SLC35F1: variants seen among roughly 807,000 people sequenced by gnomAD.
SLC35F1 encodes the protein chromosome 6 open reading frame 169.
In SLC35F1, 14 loss-of-function variants were observed where a neutral mutation model predicts 48.7. That is an observed-to-expected ratio of 0.29 (90% CI 0.19 to 0.45). The LOEUF is 0.45. Among genes scored for constraint, SLC35F1 ranks in the 20% least tolerant of loss-of-function variants. The pLI, the probability that SLC35F1 is intolerant of heterozygous loss-of-function variation, is 1.00. For synonymous variants in SLC35F1, 190 were observed against 202.2 expected, an observed-to-expected ratio of 0.94 and a Z score of 0.51; for missense variants, 404 against 500.0, an observed-to-expected ratio of 0.81 and a Z score of 1.83.
At position 118,145,055 on chromosome 6, in the gene SLC35F1, C is replaced by G. The variant is rs938883949; in HGVS notation, c.174-9390C>G. Among the ~76,000 whole-genome samples the G allele has an allele frequency of 3.9e-5, 6 of 152,104 alleles. No individual in the cohort carries two copies. In the East Asian group the frequency reaches 1.2e-3, roughly 29 times the overall value. ...GTATTTCGTATACAGATCCATGCAA[C>G]CGATACTACAGTCTATCAATGAACA... is the stretch of plus-strand genomic sequence containing the variant. On this transcript the variant is annotated intron_variant, in intron 1 of 7. Coordinates refer to ENST00000360388, the MANE Select transcript of SLC35F1 (RefSeq NM_001029858.4).
At chr6:118,010,082 T>C (rs1461101466) in intron 1 of SLC35F1, among the ~76,000 whole-genome samples, 1 of 152,202 alleles carries the variant, frequency 6.6e-6, no homozygotes, top group Non-Finnish European at 1.5e-5. Context: ...TACACTTCTA[T>C]AGGTGGGAGT....
At chr6:117,980,985 A>T (rs139500133) in intron 1 of SLC35F1, among the ~76,000 whole-genome samples, 6 of 152,362 alleles carry the variant, frequency 3.9e-5, no homozygotes, top group Non-Finnish European at 8.8e-5. Flanking sequence ...AAAATGTAGG[A>T]ATACCAGTTA....
intron 1 of SLC35F1, among the ~76,000 whole-genome samples, chr6:118,113,379 C>G (rs1205267691): frequency 2.0e-5 from 3 of 152,080 alleles, no homozygotes; most frequent in Non-Finnish European, 4.4e-5. Flanking sequence ...GAGACCTCAC[C>G]TAGCCAACTT....
chr6:118,305,600 C>T (rs1776303109), intron 7 of SLC35F1, among the ~76,000 whole-genome samples: 1 of 152,088 alleles, frequency 6.6e-6, no homozygotes, highest in Non-Finnish European at 1.5e-5. Flanking sequence ...CTAACCCTTG[C>T]CTTACAAGCA....
intron 3 of SLC35F1, among the ~76,000 whole-genome samples, chr6:118,264,731 T>C (rs932059034): frequency 5.9e-5 from 9 of 152,214 alleles, no homozygotes; most frequent in African/African-American, 2.2e-4. Context: ...GCTAAATATT[T>C]CAACTTGATT....
chr6:118,275,447 G>A lies in SLC35F1; in HGVS notation c.638-12G>A. On this transcript the variant is annotated splice_polypyrimidine_tract_variant and intron_variant, in intron 4 of 7. Transcript: ENST00000360388. ...GATGCTCCCTCTGTTTGTTTGTTTG[G>A]TTGGTTCCTAGGGGAAAATAAGCTG... 2 of 1,602,810 alleles carry A rather than the reference G, an allele frequency of 1.2e-6. No homozygotes were observed. The highest frequency in any genetic ancestry group is 1.7e-6 in the Non-Finnish European group (2 of 1,175,392).
chr6:117,995,058 A>G (rs557428712), intron 1 of SLC35F1, among the ~76,000 whole-genome samples: 25 of 152,344 alleles, frequency 1.6e-4, no homozygotes, highest in Admixed American at 1.6e-3. Context: ...GGAATCTCCT[A>G]TGCAGTATTT....
rs533602535 is a variant in SLC35F1 at position 118,194,092 on chromosome 6, C to T, written c.349+39472C>T. ...CACACACACAACATATATATAACTACACAGACAGACAGAAGAAGATCCAAT... is the reference window on the plus strand; with the variant it reads ...CACACACACAACATATATATAACTATACAGACAGACAGAAGAAGATCCAAT... On this transcript the variant is annotated intron_variant, in intron 2 of 7. Transcript: ENST00000360388. Among the ~76,000 whole-genome samples, 6 of 152,248 alleles carry T rather than the reference C, an allele frequency of 3.9e-5. No individual in the cohort carries two copies. In the East Asian group the frequency reaches 9.6e-4, roughly 24 times the overall value.
At chr6:118,260,666 A>T (rs1039435568) in intron 3 of SLC35F1, among the ~76,000 whole-genome samples, 1 of 152,186 alleles carries the variant, frequency 6.6e-6, no homozygotes, top group African/African-American at 2.4e-5. Flanking sequence ...TATCTTGTTC[A>T]TCTATATATG....
chr6:118,071,126 C>T (rs867493534), intron 1 of SLC35F1, among the ~76,000 whole-genome samples: 1 of 77,038 alleles, frequency 1.3e-5, no homozygotes, highest in African/African-American at 4.5e-5. Flanking sequence ...TACATATATA[C>T]ATATATACAT....
At chr6:118,049,233 A>C (rs1011569187) in intron 1 of SLC35F1, among the ~76,000 whole-genome samples, 58 of 152,320 alleles carry the variant, frequency 3.8e-4, no homozygotes, top group African/African-American at 1.4e-3. Context: ...TTAAAGACTT[A>C]AATGTTAGAC....
chr6:118,247,023 C>T (rs888667473), intron 3 of SLC35F1, among the ~76,000 whole-genome samples: 1 of 152,184 alleles, frequency 6.6e-6, no homozygotes, highest in African/African-American at 2.4e-5. Flanking sequence ...ATAGTAGATG[C>T]TCAATAAATG....
chr6:118,126,090 A>C (rs1041190331), intron 1 of SLC35F1, among the ~76,000 whole-genome samples: 1 of 152,156 alleles, frequency 6.6e-6, no homozygotes, highest in African/African-American at 2.4e-5. Flanking sequence ...GAGAAGCAGA[A>C]TAGTCAGTGG....
At chr6:118,245,750 T>C (rs980090435) in intron 3 of SLC35F1, among the ~76,000 whole-genome samples, 1 of 152,160 alleles carries the variant, frequency 6.6e-6, no homozygotes, top group African/African-American at 2.4e-5. Flanking sequence ...TCCAGGACCT[T>C]TAGTGCTCTG....
At chr6:118,046,088 C>A (rs1250119784) in intron 1 of SLC35F1, among the ~76,000 whole-genome samples, 1 of 152,198 alleles carries the variant, frequency 6.6e-6, no homozygotes, top group Admixed American at 6.6e-5. Flanking sequence ...TCTGTGAACA[C>A]TATCCTAAAA....
At chr6:118,223,905 C>G (rs1326536125) in intron 2 of SLC35F1, among the ~76,000 whole-genome samples, 2 of 152,240 alleles carry the variant, frequency 1.3e-5, no homozygotes, top group African/African-American at 4.8e-5. Flanking sequence ...GCCTTGGCCT[C>G]TTCCCCTTAC....
In SLC35F1 at chr6:118,122,464, G is replaced by A. The variant is rs560559916; in HGVS notation, c.174-31981G>A. On this transcript the variant is annotated intron_variant, in intron 1 of 7. Transcript: ENST00000360388. The stretch of plus-strand genomic sequence containing the variant: ...GAGAAACTTTATTTTTCCTGCCACA[G>A]TATAAGGTACCAAGTGCAATTCTGC... 2.8e-4 allele frequency among the ~76,000 whole-genome samples: 43 copies of A among 152,332 alleles called. No individual in the cohort carries two copies. The South Asian group carries it at 3.5e-3, about 12-fold the overall frequency.
At chr6:118,251,810 T>C (rs949100066) in intron 3 of SLC35F1, among the ~76,000 whole-genome samples, 1 of 152,138 alleles carries the variant, frequency 6.6e-6, no homozygotes, top group Non-Finnish European at 1.5e-5. Flanking sequence ...TTTGAGCATA[T>C]ATTATATACA....
chr6:118,065,359 GT>G (rs1382645750), intron 1 of SLC35F1, among the ~76,000 whole-genome samples: 1 of 152,102 alleles, frequency 6.6e-6, no homozygotes, highest in Non-Finnish European at 1.5e-5. Flanking sequence ...TCCTCCACTG[GT>G]TTTTGGTGGC....
Sources: gnomAD v4.1 joint callset for allele counts (sites outside exome capture counted in the v4.1 genomes callset) on GRCh38, gnomAD v4.1.1 for gene constraint, MANE v1.5 for transcripts, NCBI Gene and HGNC (gene_info 2026-07-23, HGNC 2026-07-21) for gene names.